MMAA: variants seen among roughly 807,000 people sequenced by gnomAD.
MMAA encodes the protein metabolism of cobalamin associated A, also known as methylmalonic aciduria type A protein, mitochondrial.
A neutral mutation model predicts 45.0 loss-of-function variants in MMAA; 41 were observed. That is an observed-to-expected ratio of 0.91 (90% CI 0.71 to 1.18). The LOEUF (loss-of-function observed/expected upper bound fraction) is 1.18. MMAA is among the 50% of genes most tolerant of loss of function. The pLI, the probability that MMAA is intolerant of heterozygous loss-of-function variation, is 0.00. For missense variants in MMAA, 460 were observed against 495.7 expected, an observed-to-expected ratio of 0.93 and a Z score of 0.68; for synonymous variants, 154 against 178.2, an observed-to-expected ratio of 0.86 and a Z score of 1.08.
At chr4:145,626,273 C>G (rs1380510490) in intron 1 of MMAA, among the ~76,000 whole-genome samples, 2 of 152,122 alleles carry the variant, frequency 1.3e-5, no homozygotes, top group Non-Finnish European at 2.9e-5. Context: ...GTCTGTTCTG[C>G]CTGTGACAGT....
At chr4:145,638,975 T>C in intron 1 of MMAA, 100 bp from the exon 2 acceptor site, 1 of 653,596 alleles carries the variant, frequency 1.5e-6, no homozygotes, top group Non-Finnish European at 2.7e-6. Flanking sequence ...TCTGATTATG[T>C]GTGGTTTAGA....
In MMAA at chr4:145,639,162, C is replaced by T. The variant is rs1410541695; in HGVS notation, c.23C>T (p.Pro8Leu). The change falls in exon 2 of 7, where the codon CCT becomes CTT. Residue 8 changes from proline (P) to leucine (L), a missense_variant. Transcript: ENST00000649156. MPMLLPHPHQHFLKGLLR... is the reference protein window; with the variant it reads MPMLLPHLHQHFLKGLLR... ...AATATGCCCATGCTGCTACCACATC[C>T]TCACCAGCATTTCCTAAAAGGCCTT... The T allele has an allele frequency of 6.2e-7, 1 of 1,614,156 alleles. No homozygotes were observed. Among genetic ancestry groups the T allele is most frequent in the Non-Finnish European group, 8.5e-7 (1 of 1,180,000 alleles).
chr4:145,655,563 C>A lies in MMAA; in HGVS notation c.*129C>A. The A allele has an allele frequency of 2.2e-6, 2 of 912,504 alleles. No individual in the cohort carries two copies. The highest frequency in any genetic ancestry group is 1.6e-6 in the Non-Finnish European group (1 of 622,452). 56.5% of individuals were successfully genotyped at this position (912,504 alleles called of 1,614,324 possible). A position where few individuals can be genotyped will look rare whatever the true frequency, so the allele number is the denominator to read the frequency against. On this transcript the variant is annotated 3_prime_UTR_variant, in exon 7 of 7. Transcript: ENST00000649156. ...TTGTCTTCTTTGTTTGTGACCCATG[C>A]TTGAAAACTTGAAGGAAGTTAGATA...
At chr4:145,621,594 G>T (rs1413012868) in intron 1 of MMAA, among the ~76,000 whole-genome samples, 1 of 152,006 alleles carries the variant, frequency 6.6e-6, no homozygotes, top group Non-Finnish European at 1.5e-5. Context: ...TCTGTGGTTG[G>T]GGGGGGTGGA....
chr4:145,645,112 A>G (rs1029213501), intron 3 of MMAA, among the ~76,000 whole-genome samples: 2 of 152,362 alleles, frequency 1.3e-5, no homozygotes, highest in African/African-American at 4.8e-5. Context: ...ACTGGGCAGA[A>G]GGGGCAGCTT....
chr4:145,630,230 G>GGT (rs1734306223), intron 1 of MMAA, among the ~76,000 whole-genome samples: 1 of 152,072 alleles, frequency 6.6e-6, no homozygotes, highest in South Asian at 2.1e-4. Flanking sequence ...AATGTTGGTA[G>GGT]GTTATATATG....
intron 4 of MMAA, among the ~76,000 whole-genome samples, chr4:145,648,861 C>G (rs758559942): frequency 6.6e-6 from 1 of 152,124 alleles, no homozygotes; most frequent in Non-Finnish European, 1.5e-5. Flanking sequence ...TGGCATGCAC[C>G]TGTAGTCCTA....
chr4:145,655,234 G>A lies in MMAA; in HGVS notation c.1057G>A (p.Gly353Arg), dbSNP rs145012972. The A allele has an allele frequency of 6.2e-7, 1 of 1,613,990 alleles. No individual in the cohort carries two copies. The highest frequency in any genetic ancestry group is 8.5e-7 in the Non-Finnish European group (1 of 1,180,010). ...TTTCCAGGACCTAATGCTTGCCAGT[G>A]GGGAGCTGACTGCCAAACGACGGAA... ...KDFQDLMLAS[G>R]ELTAKRRKQQ... The change falls in exon 7 of 7, where the codon GGG (glycine) becomes AGG (arginine). Residue 353 changes from glycine (G) to arginine (R), a missense_variant. Transcript: ENST00000649156.
At chr4:145,619,938 CTT>C (rs1268722831) in intron 1 of MMAA, among the ~76,000 whole-genome samples, 2 of 152,172 alleles carry the variant, frequency 1.3e-5, no homozygotes, top group African/African-American at 4.8e-5. Flanking sequence ...GTCTAAATCT[CTT>C]TCAGCAGAGG....
intron 3 of MMAA, among the ~76,000 whole-genome samples, chr4:145,644,255 A>G (rs547598876): frequency 6.6e-6 from 1 of 152,344 alleles, no homozygotes; most frequent in South Asian, 2.1e-4. Flanking sequence ...AATTTAAAGT[A>G]TAGCTTTGGC....
chr4:145,649,446 A>G (rs1204901470), intron 4 of MMAA, among the ~76,000 whole-genome samples: 1 of 152,218 alleles, frequency 6.6e-6, no homozygotes, highest in Non-Finnish European at 1.5e-5. Flanking sequence ...TGGTTAAAAG[A>G]TGGCTGATGA....
rs540215076 is a variant in MMAA, at chr4:145,656,357, T to G, written c.*923T>G. On this transcript the variant is annotated 3_prime_UTR_variant, in exon 7 of 7. Transcript: ENST00000649156. ...TAGTTGGACTATGTGGGTTTAAACT[T>G]TAAACCCAGATCAATTGTATATTAG... 1 of 152,218 alleles carries G rather than the reference T, an allele frequency of 6.6e-6. No homozygotes were observed. Among genetic ancestry groups the G allele is most frequent in the Non-Finnish European group, 1.5e-5 (1 of 68,032 alleles). The allele number at this position is 152,218 out of a possible 1,614,324, so 9.4% of individuals were successfully genotyped here.
intron 1 of MMAA, among the ~76,000 whole-genome samples, chr4:145,628,228 T>G (rs914164128): frequency 2.6e-5 from 4 of 152,236 alleles, no homozygotes; most frequent in African/African-American, 9.6e-5. Context: ...AAAAGATTTT[T>G]TTGGTTACTT....
intron 3 of MMAA, among the ~76,000 whole-genome samples, chr4:145,644,224 T>C (rs1333260804): frequency 1.3e-5 from 2 of 152,228 alleles, no homozygotes; most frequent in Non-Finnish European, 2.9e-5. Context: ...TACTTCAGTG[T>C]GATGGGATCT....
intron 4 of MMAA, among the ~76,000 whole-genome samples, chr4:145,650,009 G>A (rs1728046596): frequency 6.6e-6 from 1 of 152,152 alleles, no homozygotes; most frequent in African/African-American, 2.4e-5. Context: ...TTTTAAGTGG[G>A]GTGAGATGAA....
intron 3 of MMAA, among the ~76,000 whole-genome samples, chr4:145,644,559 G>C (rs1433856917): frequency 2.0e-5 from 3 of 152,218 alleles, no homozygotes; most frequent in Admixed American, 2.0e-4. Flanking sequence ...CTAAAGCAAA[G>C]TAGTAAAACA....
chr4:145,639,261 C>T lies in MMAA; in HGVS notation c.122C>T (p.Ala41Val), dbSNP rs1307377428. Residue 41 changes from alanine (A) to valine (V), a missense_variant, in exon 2 of 7, where the codon GCT becomes GTT. Coordinates refer to ENST00000649156, the MANE Select transcript of MMAA (RefSeq NM_172250.3). ...STHLGSGIPC[A>V]QPFNSLGLHC... ...CATCTCGGATCAGGAATCCCATGTGCTCAGCCGTTTAATTCTCTTGGACTC... is the reference window on the plus strand; with the variant it reads ...CATCTCGGATCAGGAATCCCATGTGTTCAGCCGTTTAATTCTCTTGGACTC... 3.7e-6 allele frequency: 6 copies of T among 1,614,122 alleles called. No homozygotes were observed. The highest frequency in any genetic ancestry group is 4.2e-6 in the Non-Finnish European group (5 of 1,180,030).
chr4:145,625,313 C>G (rs1242774722), intron 1 of MMAA: 3 of 718,198 alleles, frequency 4.2e-6, no homozygotes, highest in Non-Finnish European at 7.8e-6. Context: ...ATTGCAGGCT[C>G]TGGAAGAAGT....
chr4:145,621,163 T>C (rs1298261246), intron 1 of MMAA, among the ~76,000 whole-genome samples: 1 of 152,214 alleles, frequency 6.6e-6, no homozygotes, highest in Non-Finnish European at 1.5e-5. Flanking sequence ...CTCACCATGA[T>C]CCTGATACGT....
Sources: allele counts gnomAD v4.1 joint callset (sites outside exome capture counted in the v4.1 genomes callset), GRCh38; gene constraint gnomAD v4.1.1; transcripts MANE v1.5; gene names NCBI Gene and HGNC (gene_info 2026-07-23, HGNC 2026-07-21).